The following TBCA variants were observed in gnomAD, a reference collection of about 807,000 sequenced individuals.
TBCA encodes the protein tubulin-specific chaperone A.
A neutral mutation model predicts 15.8 loss-of-function variants in TBCA; 6 were observed. The ratio of observed to expected loss-of-function variants is 0.38; its 90% CI spans 0.21 to 0.75. TBCA has a LOEUF of 0.75. Ranked by LOEUF, TBCA falls within the 30% of genes least tolerant of loss-of-function variation. The probability of loss-of-function intolerance (pLI) is 0.46; values close to 1 mark genes in which losing one functional copy is unlikely to be tolerated. For synonymous variants in TBCA, 32 were observed against 42.3 expected, an observed-to-expected ratio of 0.76 and a Z score of 0.94; for missense variants, 90 against 131.2, an observed-to-expected ratio of 0.69 and a Z score of 1.53.
chr5:77,713,765 G>A (rs1746334295), intron 1 of TBCA, among the ~76,000 whole-genome samples: 1 of 151,926 alleles, frequency 6.6e-6, no homozygotes, highest in Admixed American at 6.6e-5. Flanking sequence ...ACATTAATAA[G>A]CATATTAAAG....
chr5:77,727,172 G>C (rs1580111849), intron 1 of TBCA, among the ~76,000 whole-genome samples: 1 of 149,012 alleles, frequency 6.7e-6, no homozygotes, highest in Admixed American at 6.8e-5. Flanking sequence ...AGGAGGCGGA[G>C]GTTGCAGTCA....
intron 1 of TBCA, among the ~76,000 whole-genome samples, chr5:77,721,661 CTTAA>C (rs1392127816): frequency 1.3e-5 from 2 of 151,992 alleles, no homozygotes. Context: ...TCCTTAACTG[CTTAA>C]TTACTTTTAA....
chr5:77,733,467 C>T (rs1240224417), intron 1 of TBCA, among the ~76,000 whole-genome samples: 1 of 152,172 alleles, frequency 6.6e-6, no homozygotes, highest in Admixed American at 6.5e-5. Context: ...AGCAAAACAG[C>T]CTTCTTGCTG....
chr5:77,761,371 C>T (rs2112507657), intron 1 of TBCA, among the ~76,000 whole-genome samples: 2 of 152,280 alleles, frequency 1.3e-5, no homozygotes, highest in South Asian at 4.2e-4. Context: ...GTGCTGTTGT[C>T]AACTCAGGGT....
intron 1 of TBCA, among the ~76,000 whole-genome samples, chr5:77,732,620 GC>G (rs1406032675): frequency 6.6e-6 from 1 of 150,998 alleles, no homozygotes; most frequent in East Asian, 1.9e-4. Flanking sequence ...GTCTGTCAGT[GC>G]CTTTTTTCCA....
intron 1 of TBCA, among the ~76,000 whole-genome samples, chr5:77,730,724 T>C (rs1746748293): frequency 6.6e-6 from 1 of 152,050 alleles, no homozygotes; most frequent in Non-Finnish European, 1.5e-5. Context: ...TCCACCCACC[T>C]ACCCATCCAT....
intron 1 of TBCA, among the ~76,000 whole-genome samples, chr5:77,763,189 A>G (rs1191223631): frequency 6.6e-6 from 1 of 152,164 alleles, no homozygotes; most frequent in African/African-American, 2.4e-5. Flanking sequence ...GCTTGCAGTG[A>G]GTCGAGATTG....
intron 2 of TBCA, among the ~76,000 whole-genome samples, chr5:77,697,369 C>A (rs1268853615): frequency 1.3e-5 from 2 of 152,048 alleles, no homozygotes; most frequent in African/African-American, 4.8e-5. Context: ...CATTCTGGAT[C>A]AAAAAACCCC....
chr5:77,738,153 T>C (rs1019771470), intron 1 of TBCA, among the ~76,000 whole-genome samples: 1 of 152,230 alleles, frequency 6.6e-6, no homozygotes. Context: ...CTGTCTCAAC[T>C]CACATTTAAT....
chr5:77,740,861 CTT>C (rs1385573107), intron 1 of TBCA, among the ~76,000 whole-genome samples: 2 of 152,170 alleles, frequency 1.3e-5, no homozygotes, highest in Non-Finnish European at 1.5e-5. Context: ...CTACATCTGT[CTT>C]ATTCACTATT....
At chr5:77,750,362 A>G (rs1035741878) in intron 1 of TBCA, among the ~76,000 whole-genome samples, 5 of 152,284 alleles carry the variant, frequency 3.3e-5, no homozygotes, top group Admixed American at 3.3e-4. Context: ...CATTCATTTT[A>G]CAATATTTAT....
intron 1 of TBCA, among the ~76,000 whole-genome samples, chr5:77,721,295 G>A (rs566416021): frequency 6.4e-4 from 97 of 152,152 alleles, no homozygotes; most frequent in African/African-American, 2.3e-3. Flanking sequence ...CATGGCTTTC[G>A]GATTATTAGC....
intron 1 of TBCA, among the ~76,000 whole-genome samples, chr5:77,729,121 C>T (rs1746699528): frequency 6.6e-6 from 1 of 152,032 alleles, no homozygotes; most frequent in Non-Finnish European, 1.5e-5. Context: ...CAAGACCAGC[C>T]TGGTCAACAT....
chr5:77,739,443 T>C (rs1430963419), intron 1 of TBCA, among the ~76,000 whole-genome samples: 6 of 152,056 alleles, frequency 3.9e-5, no homozygotes, highest in Admixed American at 1.3e-4. Context: ...ACAGAGTGAG[T>C]GAGGCGCTGT....
intron 1 of TBCA, among the ~76,000 whole-genome samples, chr5:77,742,513 T>G (rs1344630180): frequency 6.6e-6 from 1 of 152,262 alleles, no homozygotes; most frequent in Non-Finnish European, 1.5e-5. Flanking sequence ...GTCAACATTT[T>G]TTATTGTAAA....
intron 1 of TBCA, among the ~76,000 whole-genome samples, chr5:77,754,921 T>G (rs1747438387): frequency 6.6e-6 from 1 of 152,236 alleles, no homozygotes; most frequent in Admixed American, 6.5e-5. Flanking sequence ...GAAAAGTATT[T>G]GGGATTATTA....
rs187990599 is a variant in TBCA at position 77,704,197 on chromosome 5, T to C, written c.159+4045A>G. Among the ~76,000 whole-genome samples the C allele has an allele frequency of 1.2e-3, 176 of 152,322 alleles. 2 individuals are homozygous for C. Among genetic ancestry groups the C allele is most frequent in the African/African-American group, 4.1e-3 (169 of 41,572 alleles). On this transcript the variant is annotated intron_variant, in intron 2 of 3. Coordinates refer to ENST00000380377, the MANE Select transcript of TBCA (RefSeq NM_004607.3). ...CTAGCCCCAGGCTAGTCTCAAATTCTGGGCTCAAGTGATCTACCCAGCTTG... is the reference window on the plus strand; with the variant it reads ...CTAGCCCCAGGCTAGTCTCAAATTCCGGGCTCAAGTGATCTACCCAGCTTG...
At chr5:77,732,754 T>C (rs1474141074) in intron 1 of TBCA, among the ~76,000 whole-genome samples, 1 of 152,106 alleles carries the variant, frequency 6.6e-6, no homozygotes, top group African/African-American at 2.4e-5. Context: ...TTACTATTGT[T>C]AATTGTTTTA....
chr5:77,768,101 T>C (rs972221294), intron 1 of TBCA, among the ~76,000 whole-genome samples: 1 of 152,224 alleles, frequency 6.6e-6, no homozygotes, highest in African/African-American at 2.4e-5. Flanking sequence ...GGCCTCTTCA[T>C]CTTGGACTTC....
Sources: gnomAD v4.1 joint callset for allele counts (sites outside exome capture counted in the v4.1 genomes callset) on GRCh38, gnomAD v4.1.1 for gene constraint, MANE v1.5 for transcripts, NCBI Gene and HGNC (gene_info 2026-07-23, HGNC 2026-07-21) for gene names.